Variants in USP34 observed in about 807,000 individuals in gnomAD.
USP34 encodes ubiquitin specific peptidase 34, also known as ubiquitin carboxyl-terminal hydrolase 34.
In USP34, 70 loss-of-function variants were observed where a neutral mutation model predicts 460.3. The observed-to-expected ratio is 0.15, with a 90% CI of 0.13 to 0.19. The LOEUF (loss-of-function observed/expected upper bound fraction) is 0.19, where lower values mean the gene tolerates loss of function less well. Among genes scored for constraint, USP34 ranks in the 10% least tolerant of loss-of-function variants. The probability of loss-of-function intolerance (pLI) is 1.00; values close to 1 mark genes in which losing one functional copy is unlikely to be tolerated. For missense variants in USP34, 3,985 were observed against 4,236.2 expected, an observed-to-expected ratio of 0.94 and a Z score of 1.65; for synonymous variants, 1,647 against 1,405.3, an observed-to-expected ratio of 1.17 and a Z score of -3.85.
At chr2:61,247,395 G>C (rs1394827264) in intron 49 of USP34, among the ~76,000 whole-genome samples, 1 of 151,976 alleles carries the variant, frequency 6.6e-6, no homozygotes, top group Non-Finnish European at 1.5e-5. Context: ...GGCAGTGCCA[G>C]GATCTGACTG....
chr2:61,343,029 G>A (rs552920103), intron 16 of USP34, among the ~76,000 whole-genome samples: 1 of 152,222 alleles, frequency 6.6e-6, no homozygotes, highest in East Asian at 1.9e-4. Flanking sequence ...ATACAAATCA[G>A]TAAATTGTTG....
Position 61,221,796 on chromosome 2 carries a change from C to T in USP34, c.7795-190G>A, listed in dbSNP as rs377726829. 8.5e-5 allele frequency: 37 copies of T among 436,818 alleles called. 1 individual carries two copies. In the East Asian group the frequency reaches 8.8e-4, roughly 10 times the overall value. 27.1% of individuals were successfully genotyped at this position (436,818 alleles called of 1,614,324 possible). A position where few individuals can be genotyped will look rare whatever the true frequency, so the allele number is the denominator to read the frequency against. On this transcript the variant is annotated intron_variant, in intron 65 of 79. Coordinates refer to ENST00000398571, the MANE Select transcript of USP34 (RefSeq NM_014709.4). ...GATCAGCGAGGGGTACAAAGTCAAC[C>T]GGGAACCACGTATGATAGATTTTTC...
intron 4 of USP34, 33 bp from the exon 5 acceptor site, chr2:61,395,035 A>G: frequency 6.4e-7 from 1 of 1,552,226 alleles, no homozygotes; most frequent in Non-Finnish European, 8.7e-7. Context: ...TCATTATTTG[A>G]AAACGTACAA....
intron 3 of USP34, 91 bp from the exon 4 acceptor site, chr2:61,395,324 C>G: frequency 1.2e-6 from 1 of 816,238 alleles, no homozygotes; most frequent in Non-Finnish European, 1.9e-6. Context: ...TTATAAAAAC[C>G]GAATAAACAG....
chr2:61,456,611 G>C (rs1311277372), intron 1 of USP34, among the ~76,000 whole-genome samples: 2 of 152,062 alleles, frequency 1.3e-5, no homozygotes, highest in African/African-American at 2.4e-5. Flanking sequence ...GAGCCCAGGA[G>C]TTGGAGACCA....
intron 18 of USP34, among the ~76,000 whole-genome samples, chr2:61,337,982 T>C (rs1020270375): frequency 6.6e-6 from 1 of 152,324 alleles, no homozygotes; most frequent in African/African-American, 2.4e-5. Flanking sequence ...ATAAAACCTA[T>C]GTAAATGATG....
chr2:61,304,995 T>C (rs1274103047), intron 27 of USP34, among the ~76,000 whole-genome samples: 1 of 152,150 alleles, frequency 6.6e-6, no homozygotes, highest in African/African-American at 2.4e-5. Context: ...ACGTCATTTT[T>C]CCCCTTTACA....
chr2:61,244,784 T>C (rs956363337), intron 51 of USP34, among the ~76,000 whole-genome samples: 7 of 152,180 alleles, frequency 4.6e-5, no homozygotes, highest in African/African-American at 1.7e-4. Flanking sequence ...AACATTTTTT[T>C]AATTTCTTTT....
At chr2:61,349,657 G>A (rs112683661) in intron 12 of USP34, among the ~76,000 whole-genome samples, 21,882 of 151,996 alleles carry the variant, frequency 0.14, 1,840 homozygotes, top group African/African-American at 0.21. Context: ...TGGCTAACAC[G>A]GTGAAACCCC....
rs368132187 is a variant in USP34 at position 61,245,153 on chromosome 2, A to G, written c.6627+57T>C. 2.7e-4 allele frequency: 363 copies of G among 1,326,430 alleles called. 1 individual carries two copies. In the African/African-American group the frequency reaches 4.7e-3, roughly 17 times the overall value. 82.2% of individuals were successfully genotyped at this position (1,326,430 alleles called of 1,614,324 possible). Reference sequence around the variant, plus strand: ...AGCGACTCTGCTATTGGATTTTATGATATGACAAAGCACTTGGAAGGACAC... The same window carrying G: ...AGCGACTCTGCTATTGGATTTTATGGTATGACAAAGCACTTGGAAGGACAC... On this transcript the variant is annotated intron_variant, in intron 51 of 79. Coordinates refer to ENST00000398571, the MANE Select transcript of USP34 (RefSeq NM_014709.4).
intron 76 of USP34, 29 bp downstream of exon 76, chr2:61,192,872 A>C (rs1686682782): frequency 3.1e-6 from 5 of 1,588,838 alleles, no homozygotes; most frequent in Non-Finnish European, 3.4e-6. Context: ...AAGATTAAAG[A>C]CCAATCATCT....
chr2:61,216,069 A>G (rs1186173803), intron 67 of USP34, among the ~76,000 whole-genome samples: 1 of 152,222 alleles, frequency 6.6e-6, no homozygotes, highest in Admixed American at 6.5e-5. Context: ...CAAAGCAAAC[A>G]AAGTTAGGGT....
At chr2:61,409,728 T>C (rs1693984174) in intron 2 of USP34, among the ~76,000 whole-genome samples, 1 of 151,826 alleles carries the variant, frequency 6.6e-6, no homozygotes, top group Non-Finnish European at 1.5e-5. Flanking sequence ...AGTAAATAAA[T>C]AAATAAAATA....
At position 61,256,861 on chromosome 2, in the gene USP34, A is replaced by G. The variant is rs1447632504; in HGVS notation, c.6126+12T>C. On this transcript the variant is annotated intron_variant, in intron 47 of 79. Coordinates refer to ENST00000398571, the MANE Select transcript of USP34 (RefSeq NM_014709.4). Reference sequence around the variant, plus strand: ...AGCATAAAGTAAAAAAATTATGTGCATTATTACTCACATAAATGTTCTTCA... The same window carrying G: ...AGCATAAAGTAAAAAAATTATGTGCGTTATTACTCACATAAATGTTCTTCA... The G allele has an allele frequency of 6.5e-7, 1 of 1,549,792 alleles. No homozygotes were observed. Among genetic ancestry groups the G allele is most frequent in the Non-Finnish European group, 8.7e-7 (1 of 1,153,716 alleles).
At position 61,280,292 on chromosome 2, in the gene USP34, C is replaced by A; in HGVS notation, c.5208G>T (p.Trp1736Cys). The A allele has an allele frequency of 6.4e-7, 1 of 1,560,352 alleles. No homozygotes were observed. The highest frequency in any genetic ancestry group is 1.4e-5 in the African/African-American group (1 of 72,566). The stretch of plus-strand genomic sequence containing the variant: ...TGTTGTCAACTAATTTGCATAACAA[C>A]CAAAAATACTCTTTACATCCTGGTT... ...ILKPGCKEYF[W>C]LLCKLVDNIH... is the part of the protein sequence containing the mutation. Residue 1736 changes from tryptophan to cysteine, a missense_variant, in exon 39 of 80, where the codon TGG becomes TGT. By Grantham distance (215) the Trp-to-Cys change is radical. Around this residue, in one of 14 missense-constraint regions of USP34, gnomAD observed 1,114 missense variants for 1,122.5 expected, o/e 0.99. Coordinates refer to ENST00000398571, the MANE Select transcript of USP34 (RefSeq NM_014709.4).
At chr2:61,450,087 A>G (rs1026405342) in intron 1 of USP34, among the ~76,000 whole-genome samples, 1 of 100,656 alleles carries the variant, frequency 9.9e-6, no homozygotes, top group African/African-American at 4.3e-5. Context: ...ATAAAAATAC[A>G]AAAAGTCTTA....
At chr2:61,343,257 C>T (rs781463390) in intron 16 of USP34, among the ~76,000 whole-genome samples, 8 of 152,080 alleles carry the variant, frequency 5.3e-5, no homozygotes, top group Non-Finnish European at 1.2e-4. Context: ...TCATTAATTC[C>T]CTACTACTCT....
At position 61,227,162 on chromosome 2, in the gene USP34, ATCT is replaced by A; in HGVS notation, c.7497_7499del (p.Glu2499del). The A allele has an allele frequency of 6.2e-7, 1 of 1,613,998 alleles. No individual in the cohort carries two copies. Among genetic ancestry groups the A allele is most frequent in the African/African-American group, 1.3e-5 (1 of 75,050 alleles). The stretch of plus-strand genomic sequence containing the variant: ...ATTTTTCTTCTGCCAGAGAGAGGAT[ATCT>A]TCTTCCTCCTCTTCTTCTTCCCCTT... On this transcript the variant is annotated inframe_deletion, in exon 62 of 80. Coordinates refer to ENST00000398571, the MANE Select transcript of USP34 (RefSeq NM_014709.4).
At chr2:61,257,604 T>G (rs999499556) in intron 44 of USP34, among the ~76,000 whole-genome samples, 9 of 152,144 alleles carry the variant, frequency 5.9e-5, no homozygotes, top group Non-Finnish European at 1.3e-4. Flanking sequence ...AATCTGAGAC[T>G]CAAATGACTC....
Sources: gnomAD v4.1 joint callset for allele counts (sites outside exome capture counted in the v4.1 genomes callset) on GRCh38, gnomAD v4.1.1 for gene constraint, gnomAD v4.1.1 regional missense constraint, MANE v1.5 for transcripts, NCBI Gene and HGNC (gene_info 2026-07-23, HGNC 2026-07-21) for gene names.